BNC1: variants seen among roughly 807,000 people sequenced by gnomAD.
BNC1 encodes basonuclin zinc finger protein 1, also known as zinc finger protein basonuclin-1.
A neutral mutation model predicts 66.5 loss-of-function variants in BNC1; 8 were observed. That is an observed-to-expected ratio of 0.12 (90% CI 0.07 to 0.22). BNC1 has a LOEUF of 0.22. BNC1 is among the 10% of genes least tolerant of loss of function. BNC1 has a pLI of 1.00. For missense variants in BNC1, 1,069 were observed against 1,241.3 expected (o/e 0.86, Z 2.09); for synonymous variants, 454 against 452.6 (o/e 1.00, Z -0.04).
chr15:83,279,106 T>A (rs892036434), intron 1 of BNC1, among the ~76,000 whole-genome samples: 3 of 152,186 alleles, frequency 2.0e-5, no homozygotes, highest in African/African-American at 7.2e-5. Context: ...TATTGTTAAT[T>A]TTTTAGGTGC....
At chr15:83,261,677 T>A (rs2151434842) in intron 4 of BNC1, among the ~76,000 whole-genome samples, 1 of 152,306 alleles carries the variant, frequency 6.6e-6, no homozygotes, top group South Asian at 2.1e-4. Flanking sequence ...ACCACTGCTA[T>A]CCCCACGGTG....
At chr15:83,262,142 G>A (rs2038150867) in intron 4 of BNC1, among the ~76,000 whole-genome samples, 1 of 151,178 alleles carries the variant, frequency 6.6e-6, no homozygotes, top group African/African-American at 2.4e-5. Flanking sequence ...CTGCCTCTCG[G>A]GTTCAAACGT....
rs777520583 is a variant in BNC1, at chr15:83,262,953, G to C, written c.2298C>G (p.Asp766Glu). Residue 766 changes from aspartate (D) to glutamate (E), a missense_variant and splice_region_variant, in exon 4 of 5, where the codon GAC (aspartate) becomes GAG (glutamate). Physicochemically the swap from Asp to Glu is conservative, Grantham distance 45. Coordinates refer to ENST00000345382, the MANE Select transcript of BNC1 (RefSeq NM_001717.4). ...NATFPSRRSRDRHSSNLNLHQ... is the reference protein window; with the variant it reads ...NATFPSRRSRERHSSNLNLHQ... ...ATGATTGCCTACAGATGCCTTACCT[G>C]TCTCTGCTCCTGCGGGAGGGAAAGG... is the stretch of plus-strand genomic sequence containing the variant. 6.2e-7 allele frequency: 1 copy of C among 1,603,658 alleles called. No individual in the cohort carries two copies. The highest frequency in any genetic ancestry group is 8.5e-7 in the Non-Finnish European group (1 of 1,174,186).
rs368320013 is a variant in BNC1, at chr15:83,263,420, G to C, written c.1831C>G (p.Arg611Gly). ...PFPEGERPCH[R>G]ESVIESSGAI... Reference sequence around the variant, plus strand: ...CCACTGGACTCAATTACTGATTCACGATGGCAGGGCCTCTCCCCTTCAGGG... The same window carrying C: ...CCACTGGACTCAATTACTGATTCACCATGGCAGGGCCTCTCCCCTTCAGGG... Residue 611 changes from arginine to glycine, a missense_variant, in exon 4 of 5, where the codon CGT (arginine) becomes GGT (glycine). Physicochemically the swap from Arg to Gly is moderately radical, Grantham distance 125. Transcript: ENST00000345382. The C allele has an allele frequency of 6.8e-6, 11 of 1,614,050 alleles. No homozygotes were observed. In the African/African-American group the frequency reaches 8.0e-5, roughly 12 times the overall value.
intron 1 of BNC1, among the ~76,000 whole-genome samples, chr15:83,279,750 TGG>T (rs2038360445): frequency 6.6e-6 from 1 of 152,172 alleles, no homozygotes; most frequent in Non-Finnish European, 1.5e-5. Flanking sequence ...AAAGGAGATG[TGG>T]GGAGCCTCAG....
rs528965393 is a variant in BNC1 at position 83,269,041 on chromosome 15, T to C, written c.100-809A>G. On this transcript the variant is annotated intron_variant, in intron 1 of 4. Coordinates refer to ENST00000345382, the MANE Select transcript of BNC1 (RefSeq NM_001717.4). ...GAGTTCAAGACCAGCCTGGCCAATA[T>C]GGTGAAACCCTATCTCTACTAAAAA... Among the ~76,000 whole-genome samples, 3 of 152,272 alleles carry C rather than the reference T, an allele frequency of 2.0e-5. No homozygotes were observed. In the East Asian group the frequency reaches 5.8e-4, roughly 29 times the overall value.
chr15:83,258,085 T>C lies in BNC1; in HGVS notation c.2342A>G (p.Gln781Arg). Reference protein sequence around the residue: ...NLNLHQKALSQEALESSEDHF... With the variant: ...NLNLHQKALSREALESSEDHF... ...ATCTTCACTACTCTCCAATGCTTCC[T>C]GGCTCAATGCTTTTTGGTGGAGGTT... The change falls in exon 5 of 5, where the codon CAG becomes CGG. Residue 781 changes from glutamine to arginine, a missense_variant. Gln to Arg is a conservative substitution (Grantham distance 43, BLOSUM62 1). Coordinates refer to ENST00000345382, the MANE Select transcript of BNC1 (RefSeq NM_001717.4). 2 of 1,606,396 alleles carry C rather than the reference T, an allele frequency of 1.2e-6. No homozygotes were observed. The highest frequency in any genetic ancestry group is 1.7e-6 in the Non-Finnish European group (2 of 1,173,364).
intron 1 of BNC1, among the ~76,000 whole-genome samples, chr15:83,271,523 A>G (rs2038269673): frequency 6.6e-6 from 1 of 152,234 alleles, no homozygotes; most frequent in African/African-American, 2.4e-5. Context: ...AAAAAACTCC[A>G]TGTGATTAAC....
At chr15:83,283,724 T>G (rs2038409621) in intron 1 of BNC1, among the ~76,000 whole-genome samples, 1 of 152,170 alleles carries the variant, frequency 6.6e-6, no homozygotes, top group African/African-American at 2.4e-5. Flanking sequence ...TCCCAGCGCT[T>G]TCTGAAAGAC....
In BNC1 at chr15:83,275,035, A is replaced by T. The variant is rs570208328; in HGVS notation, c.100-6803T>A. ...ACAGTAAAGACATTTCATTCATTGA[A>T]TAAGTATTTACTGAGCATTTATGAG... On this transcript the variant is annotated intron_variant, in intron 1 of 4. Transcript: ENST00000345382. Among the ~76,000 whole-genome samples, 3 of 152,374 alleles carry T rather than the reference A, an allele frequency of 2.0e-5. No homozygotes were observed. The South Asian group carries it at 6.2e-4, about 32-fold the overall frequency.
chr15:83,276,408 G>C (rs1157843646), intron 1 of BNC1, among the ~76,000 whole-genome samples: 3 of 152,150 alleles, frequency 2.0e-5, no homozygotes, highest in African/African-American at 7.2e-5. Flanking sequence ...CCCTCCACTG[G>C]TATTATCTGA....
intron 1 of BNC1, chr15:83,283,452 A>G: frequency 8.2e-7 from 1 of 1,220,050 alleles, no homozygotes; most frequent in Non-Finnish European, 1.0e-6. Context: ...CCAGCACGGA[A>G]CCGACGGGGC....
chr15:83,284,056 C>T (rs1433423895), intron 1 of BNC1, among the ~76,000 whole-genome samples: 5 of 150,606 alleles, frequency 3.3e-5, no homozygotes, highest in Non-Finnish European at 7.4e-5. Flanking sequence ...GAGAGAAAGA[C>T]GGCCAGTGTG....
At chr15:83,276,612 T>C (rs1441255387) in intron 1 of BNC1, among the ~76,000 whole-genome samples, 4 of 152,348 alleles carry the variant, frequency 2.6e-5, no homozygotes, top group South Asian at 4.1e-4. Context: ...GGGTGAAGTA[T>C]TGTAGAAAAC....
intron 3 of BNC1, among the ~76,000 whole-genome samples, chr15:83,265,854 G>A (rs1275031832): frequency 1.3e-5 from 2 of 152,180 alleles, no homozygotes; most frequent in African/African-American, 4.8e-5. Context: ...ATTATTGGGA[G>A]TGGATCTAGG....
chr15:83,258,277 G>A (rs2038105303), intron 4 of BNC1, 151 bp from the exon 5 acceptor site: 6 of 781,628 alleles, frequency 7.7e-6, no homozygotes, highest in Non-Finnish European at 1.2e-5. Context: ...TGTAACACCT[G>A]TCTGGTGGAT....
At chr15:83,280,225 G>A (rs2038364569) in intron 1 of BNC1, among the ~76,000 whole-genome samples, 1 of 152,126 alleles carries the variant, frequency 6.6e-6, no homozygotes, top group African/African-American at 2.4e-5. Context: ...GTACAGAAAT[G>A]TAAATTATAT....
intron 1 of BNC1, chr15:83,283,259 C>T (rs1318495617): frequency 5.2e-6 from 8 of 1,534,508 alleles, no homozygotes; most frequent in Non-Finnish European, 5.2e-6. Context: ...TATCAGATCT[C>T]CTTCACTCGC....
chr15:83,273,206 T>C (rs2038285934), intron 1 of BNC1, among the ~76,000 whole-genome samples: 1 of 152,222 alleles, frequency 6.6e-6, no homozygotes, highest in African/African-American at 2.4e-5. Context: ...GAATTATTTA[T>C]GAACTAAAAA....
Sources: allele counts gnomAD v4.1 joint callset (sites outside exome capture counted in the v4.1 genomes callset), GRCh38; gene constraint gnomAD v4.1.1; transcripts MANE v1.5; gene names NCBI Gene and HGNC (gene_info 2026-07-23, HGNC 2026-07-21).